Variants in NR3C2 observed in about 807,000 individuals in gnomAD.
The protein encoded by NR3C2 is mineralocorticoid receptor.
In NR3C2, 15 loss-of-function variants were observed where a neutral mutation model predicts 86.4. The observed-to-expected ratio is 0.17, with a 90% CI of 0.12 to 0.27. NR3C2 has a LOEUF of 0.27. NR3C2 is among the 10% of genes least tolerant of loss of function. The pLI, the probability that NR3C2 is intolerant of heterozygous loss-of-function variation, is 1.00. For missense variants in NR3C2, 960 were observed against 1,195.6 expected, an observed-to-expected ratio of 0.80 and a Z score of 2.91; for synonymous variants, 458 against 450.5, an observed-to-expected ratio of 1.02 and a Z score of -0.21.
chr4:148,309,296 T>C (rs537864865), intron 2 of NR3C2, among the ~76,000 whole-genome samples: 4 of 152,200 alleles, frequency 2.6e-5, no homozygotes, highest in Non-Finnish European at 5.9e-5. Flanking sequence ...TATTTAAAAC[T>C]AAAGTTATTT....
intron 2 of NR3C2, among the ~76,000 whole-genome samples, chr4:148,265,852 T>C (rs1483222289): frequency 1.3e-5 from 2 of 152,110 alleles, no homozygotes; most frequent in Non-Finnish European, 2.9e-5. Context: ...GTACTGAAAG[T>C]CTACGGTGGG....
At chr4:148,141,787 A>G (rs142227555) in intron 6 of NR3C2, among the ~76,000 whole-genome samples, 182 of 152,240 alleles carry the variant, frequency 1.2e-3, no homozygotes, top group Non-Finnish European at 2.0e-3. Flanking sequence ...AACTGTGCAC[A>G]TGAGGGATCT....
chr4:148,209,564 T>C (rs966962834), intron 3 of NR3C2, among the ~76,000 whole-genome samples: 2 of 152,140 alleles, frequency 1.3e-5, no homozygotes, highest in Non-Finnish European at 2.9e-5. Context: ...TTCTGAAGTG[T>C]TGGGATTACA....
At chr4:148,195,539 G>A (rs571414061) in intron 3 of NR3C2, among the ~76,000 whole-genome samples, 5 of 152,310 alleles carry the variant, frequency 3.3e-5, no homozygotes, top group Admixed American at 1.3e-4. Flanking sequence ...ACTTTCATTC[G>A]ATTTGGGGGA....
chr4:148,409,414 C>T (rs968410921), intron 2 of NR3C2, among the ~76,000 whole-genome samples: 5 of 152,106 alleles, frequency 3.3e-5, no homozygotes, highest in African/African-American at 1.2e-4. Context: ...TAACCCATGA[C>T]TTGCCACCTT....
intron 8 of NR3C2, among the ~76,000 whole-genome samples, chr4:148,093,330 G>A (rs978205587): frequency 3.9e-5 from 6 of 152,210 alleles, no homozygotes; most frequent in African/African-American, 1.4e-4. Flanking sequence ...TTCTCAGAAG[G>A]CCTTGCAGGG....
chr4:148,260,175 G>C lies in NR3C2; in HGVS notation c.1758-58C>G, dbSNP rs1048176184. The C allele has an allele frequency of 2.5e-6, 4 of 1,601,738 alleles. No homozygotes were observed. The African/African-American group carries it at 5.4e-5, about 21-fold the overall frequency. Reference sequence around the variant, plus strand: ...ACCGTAAAGGCACATTTAACATGCTGCACAGCTTAGCTCAAAATTTGTCAA... The same window carrying C: ...ACCGTAAAGGCACATTTAACATGCTCCACAGCTTAGCTCAAAATTTGTCAA... On this transcript the variant is annotated intron_variant, in intron 2 of 8. Transcript: ENST00000358102.
chr4:148,332,877 C>T (rs1240694301), intron 2 of NR3C2, among the ~76,000 whole-genome samples: 4 of 151,982 alleles, frequency 2.6e-5, no homozygotes, highest in African/African-American at 7.3e-5. Flanking sequence ...GTATGTGTTT[C>T]GACATAAGGC....
chr4:148,211,736 T>C (rs1186256064), intron 3 of NR3C2, among the ~76,000 whole-genome samples: 1 of 130 alleles, frequency 7.7e-3, no homozygotes, highest in African/African-American at 0.023. Context: ...ATAGCCTAGT[T>C]TTCCCAGCCT....
intron 2 of NR3C2, among the ~76,000 whole-genome samples, chr4:148,419,984 CT>C (rs1445923102): frequency 6.6e-6 from 1 of 152,074 alleles, no homozygotes; most frequent in Non-Finnish European, 1.5e-5. Context: ...TGGCCAGACC[CT>C]TTGAAGACAC....
intron 3 of NR3C2, among the ~76,000 whole-genome samples, chr4:148,222,894 G>C (rs1737933087): frequency 6.6e-6 from 1 of 152,010 alleles, no homozygotes; most frequent in African/African-American, 2.4e-5. Flanking sequence ...CTTGGGAGCC[G>C]CATGAAGTAG....
chr4:148,427,911 C>T (rs10031992), intron 2 of NR3C2, among the ~76,000 whole-genome samples: 65,044 of 152,020 alleles, frequency 0.43, 16,200 homozygotes, highest in East Asian at 0.74. Flanking sequence ...ATGTACGTAA[C>T]TCACTTCACA....
chr4:148,223,312 A>G (rs893972779), intron 3 of NR3C2, among the ~76,000 whole-genome samples: 4 of 152,180 alleles, frequency 2.6e-5, no homozygotes, highest in African/African-American at 9.7e-5. Context: ...ATTAAGACAC[A>G]TAAGGAACCA....
At chr4:148,258,179 T>C (rs1739920121) in intron 3 of NR3C2, among the ~76,000 whole-genome samples, 1 of 152,216 alleles carries the variant, frequency 6.6e-6, no homozygotes, top group African/African-American at 2.4e-5. Flanking sequence ...CAAAATGTCC[T>C]TCTCCACATC....
chr4:148,264,040 A>C (rs1380519277), intron 2 of NR3C2, among the ~76,000 whole-genome samples: 2 of 152,226 alleles, frequency 1.3e-5, no homozygotes. Context: ...TTACAGTAGA[A>C]CATAAATTTA....
chr4:148,194,176 A>G (rs1736333494), intron 4 of NR3C2, among the ~76,000 whole-genome samples: 1 of 152,176 alleles, frequency 6.6e-6, no homozygotes, highest in South Asian at 2.1e-4. Flanking sequence ...TTAGAATTAT[A>G]CTATATTTAC....
chr4:148,348,934 T>C (rs1266488012), intron 2 of NR3C2, among the ~76,000 whole-genome samples: 2 of 152,160 alleles, frequency 1.3e-5, no homozygotes, highest in African/African-American at 4.8e-5. Flanking sequence ...TTTTCAACCA[T>C]ATTCAAGTGT....
At chr4:148,254,405 A>C (rs1739725256) in intron 3 of NR3C2, among the ~76,000 whole-genome samples, 1 of 152,184 alleles carries the variant, frequency 6.6e-6, no homozygotes, top group South Asian at 2.1e-4. Flanking sequence ...GTCTGTTCTT[A>C]AGGTCCCTCA....
chr4:148,176,247 G>A (rs1735369618), intron 4 of NR3C2, among the ~76,000 whole-genome samples: 1 of 152,188 alleles, frequency 6.6e-6, no homozygotes, highest in African/African-American at 2.4e-5. Flanking sequence ...GTAAGAATTT[G>A]AGGGGCCGAT....
Sources: gnomAD v4.1 joint callset for allele counts (sites outside exome capture counted in the v4.1 genomes callset) on GRCh38, gnomAD v4.1.1 for gene constraint, MANE v1.5 for transcripts, NCBI Gene and HGNC (gene_info 2026-07-23, HGNC 2026-07-21) for gene names.